Variants in RPP40 observed in about 807,000 individuals in gnomAD.
RPP40 encodes ribonuclease P protein subunit p40.
RPP40 carries 30 observed loss-of-function variants against 42.5 expected under a neutral mutation model. The observed-to-expected ratio is 0.71, with a 90% CI of 0.53 to 0.96. The LOEUF is 0.96. Among genes scored for constraint, RPP40 ranks in the 40% least tolerant of loss-of-function variants. The probability of loss-of-function intolerance (pLI) is 0.00; values close to 1 mark genes in which losing one functional copy is unlikely to be tolerated. For synonymous variants in RPP40, 173 were observed against 164.0 expected (o/e 1.05, Z -0.42); for missense variants, 426 against 433.5 (o/e 0.98, Z 0.15).
intron 1 of RPP40, 95 bp downstream of exon 1, chr6:5,003,785 G>A: frequency 7.1e-7 from 1 of 1,413,232 alleles, no homozygotes; most frequent in Non-Finnish European, 9.4e-7. Flanking sequence ...CGTACCGCCG[G>A]CGGCCCCGCC....
chr6:4,995,020 T>C lies in RPP40; in HGVS notation c.*58A>G. On this transcript the variant is annotated 3_prime_UTR_variant, in exon 8 of 8. Coordinates refer to ENST00000380051, the MANE Select transcript of RPP40 (RefSeq NM_006638.4). ...GAGTGGACACACAGACCTTTTACCA[T>C]TAAGAAATCTGAAAGCAAGCGTAAA... The C allele has an allele frequency of 7.0e-7, 1 of 1,433,174 alleles. No homozygotes were observed. Among genetic ancestry groups the C allele is most frequent in the Non-Finnish European group, 9.6e-7 (1 of 1,042,638 alleles). The allele number at this position is 1,433,174 out of a possible 1,614,324, so 88.8% of individuals were successfully genotyped here.
chr6:4,990,818 A>G (rs959400811), downstream of RPP40, among the ~76,000 whole-genome samples: 1 of 151,994 alleles, frequency 6.6e-6, no homozygotes, highest in African/African-American at 2.4e-5. Context: ...TGTAATTTCA[A>G]CTTCTTTAAC....
chr6:4,995,059 G>T lies in RPP40; in HGVS notation c.*19C>A. 1 of 1,597,730 alleles carries T rather than the reference G, an allele frequency of 6.3e-7. No homozygotes were observed. Among genetic ancestry groups the T allele is most frequent in the South Asian group, 1.1e-5 (1 of 89,974 alleles). On this transcript the variant is annotated 3_prime_UTR_variant, in exon 8 of 8. Transcript: ENST00000380051. Reference sequence around the variant, plus strand: ...AGCAAGCGTAAATGTAAGTAAACACGATTTTTAATTTTTATTTTTTATGGT... The same window carrying T: ...AGCAAGCGTAAATGTAAGTAAACACTATTTTTAATTTTTATTTTTTATGGT...
In RPP40 at chr6:5,003,968, C is replaced by T; in HGVS notation, c.35G>A (p.Arg12Gln). The T allele has an allele frequency of 6.2e-7, 1 of 1,612,764 alleles. No homozygotes were observed. The highest frequency in any genetic ancestry group is 1.1e-5 in the South Asian group (1 of 91,060). ...GGATTTCTCGCAAACCAGTAAGTGC[C>T]GCGGCGCCTCCCGAAGCCGGCGCAG... ...ATLRRLREAP[R>Q]HLLVCEKSNF... Residue 12 changes from arginine (R) to glutamine (Q), a missense_variant, in exon 1 of 8, where the codon CGG becomes CAG. Physicochemically the swap from Arg to Gln is conservative, Grantham distance 43 (BLOSUM62 1). Transcript: ENST00000380051.
At chr6:5,000,435 G>A in intron 3 of RPP40, 128 bp downstream of exon 3, 1 of 621,260 alleles carries the variant, frequency 1.6e-6, no homozygotes, top group East Asian at 3.1e-5. Flanking sequence ...TGATACACCT[G>A]CTTTGGCCTC....
chr6:4,998,908 G>A, intron 4 of RPP40, 67 bp from the exon 5 acceptor site: 1 of 1,041,014 alleles, frequency 9.6e-7, no homozygotes, highest in Non-Finnish European at 1.3e-6. Flanking sequence ...TGGAAAAAGT[G>A]TTACATTTTT....
intron 1 of RPP40, 90 bp downstream of exon 1, chr6:5,003,790 C>G: frequency 1.4e-6 from 2 of 1,450,256 alleles, no homozygotes; most frequent in Non-Finnish European, 1.8e-6. Context: ...CGCCGGCGGC[C>G]CCGCCCCGCG....
intron 2 of RPP40, 145 bp from the exon 3 acceptor site, chr6:5,000,776 C>T (rs925479755): frequency 1.7e-5 from 11 of 630,116 alleles, no homozygotes; most frequent in Admixed American, 1.1e-4. Context: ...ATAAACCAAA[C>T]ATCTGCTAAG....
Sources: allele counts gnomAD v4.1 joint callset (sites outside exome capture counted in the v4.1 genomes callset), GRCh38; gene constraint gnomAD v4.1.1; transcripts MANE v1.5; gene names NCBI Gene and HGNC (gene_info 2026-07-23, HGNC 2026-07-21).